UIMC1: variants seen among roughly 807,000 people sequenced by gnomAD.
UIMC1 encodes ubiquitin interaction motif containing 1.
In UIMC1, 42 loss-of-function variants were observed where a neutral mutation model predicts 84.9. The ratio of observed to expected loss-of-function variants is 0.49; its 90% CI spans 0.39 to 0.64. The LOEUF is 0.64. Ranked by LOEUF, UIMC1 falls within the 30% of genes least tolerant of loss-of-function variation. The probability of loss-of-function intolerance (pLI) is 0.00; values close to 1 mark genes in which losing one functional copy is unlikely to be tolerated. For missense variants in UIMC1, 825 were observed against 847.6 expected (o/e 0.97, Z 0.33); for synonymous variants, 281 against 293.0 (o/e 0.96, Z 0.42).
At chr5:176,934,692 T>C (rs1188519827) in intron 10 of UIMC1, among the ~76,000 whole-genome samples, 1 of 152,244 alleles carries the variant, frequency 6.6e-6, no homozygotes, top group Non-Finnish European at 1.5e-5. Flanking sequence ...GGTTTTCCTT[T>C]ACTTGTTCTG....
chr5:176,933,510 G>T (rs572787036), intron 10 of UIMC1, among the ~76,000 whole-genome samples: 12 of 151,082 alleles, frequency 7.9e-5, no homozygotes, highest in African/African-American at 2.4e-4. Context: ...ACATTACAAG[G>T]CTCATTGCTA....
At chr5:177,002,195 TGAG>T (rs1435852241) in intron 1 of UIMC1, 2 of 150,908 alleles carry the variant, frequency 1.3e-5, no homozygotes, top group East Asian at 2.0e-4. Flanking sequence ...CTCAGAAGGC[TGAG>T]GAGAAGGGAT....
At chr5:176,955,642 TAC>T (rs1766501317) in intron 8 of UIMC1, among the ~76,000 whole-genome samples, 1 of 152,206 alleles carries the variant, frequency 6.6e-6, no homozygotes, top group African/African-American at 2.4e-5. Context: ...GCTCTGAATG[TAC>T]AGTTAAGCAA....
chr5:176,943,177 TA>T, intron 10 of UIMC1, 157 bp downstream of exon 10: 2 of 875,966 alleles, frequency 2.3e-6, no homozygotes, highest in Non-Finnish European at 3.4e-6. Context: ...ATGATGAACA[TA>T]AAAGTACTAG....
intron 9 of UIMC1, among the ~76,000 whole-genome samples, chr5:176,946,546 GA>G (rs1428864729): frequency 6.6e-6 from 1 of 151,674 alleles, no homozygotes; most frequent in African/African-American, 2.4e-5. Flanking sequence ...GAAAACAAAA[GA>G]AAAATCACCA....
intron 1 of UIMC1, among the ~76,000 whole-genome samples, chr5:177,016,798 G>C (rs988670361): frequency 5.3e-4 from 80 of 152,254 alleles, no homozygotes; most frequent in African/African-American, 1.9e-3. Flanking sequence ...CGAGGCAGGT[G>C]AATCACCTGA....
At chr5:176,981,091 T>C (rs1212000266) in intron 2 of UIMC1, among the ~76,000 whole-genome samples, 2 of 152,016 alleles carry the variant, frequency 1.3e-5, no homozygotes, top group Non-Finnish European at 2.9e-5. Flanking sequence ...ATGAACTATG[T>C]AGATAAAAGT....
intron 1 of UIMC1, 89 bp from the exon 2 acceptor site, chr5:176,982,712 C>CT (rs1161436945): frequency 7.7e-6 from 11 of 1,426,690 alleles, no homozygotes; most frequent in African/African-American, 2.9e-5. Flanking sequence ...TCAACTTAGT[C>CT]TTTTTTTGAG....
At position 176,982,583 on chromosome 5, in the gene UIMC1, G is replaced by A. The variant is rs751505485; in HGVS notation, c.33C>T (p.Val11=). Residue 11 remains valine, a synonymous_variant, in exon 2 of 15, where the codon GTC becomes GTT. Coordinates refer to ENST00000511320, the MANE Select transcript of UIMC1 (RefSeq NM_001199298.2). The part of the protein sequence containing the change: MPRRKKKVKE[V]SESRNLEKKD... Reference sequence around the variant, plus strand: ...TCTTCTCCAGGTTCCGAGATTCGGAGACTTCTTTAACTTTTTTCTTTCTCC... The same window carrying A: ...TCTTCTCCAGGTTCCGAGATTCGGAAACTTCTTTAACTTTTTTCTTTCTCC... 1 of 1,614,038 alleles carries A rather than the reference G, an allele frequency of 6.2e-7. No homozygotes were observed. The highest frequency in any genetic ancestry group is 8.5e-7 in the Non-Finnish European group (1 of 1,180,008).
rs563285660 is a variant in UIMC1 at position 176,968,028 on chromosome 5, G to T, written c.1200+527C>A. Among the ~76,000 whole-genome samples, 7 of 152,026 alleles carry T rather than the reference G, an allele frequency of 4.6e-5. No individual in the cohort carries two copies. In the South Asian group the frequency reaches 1.2e-3, roughly 27 times the overall value. On this transcript the variant is annotated intron_variant, in intron 6 of 14. Coordinates refer to ENST00000511320, the MANE Select transcript of UIMC1 (RefSeq NM_001199298.2). Reference sequence around the variant, plus strand: ...AGGGAGAGGAACAAAACTTAACACAGAAGAGTCTTCATTTTGTTCAAAAAA... The same window carrying T: ...AGGGAGAGGAACAAAACTTAACACATAAGAGTCTTCATTTTGTTCAAAAAA...
At chr5:176,951,351 A>C in intron 9 of UIMC1, 123 bp downstream of exon 9, 1 of 611,600 alleles carries the variant, frequency 1.6e-6, no homozygotes, top group Non-Finnish European at 2.7e-6. Flanking sequence ...CCCTAACATA[A>C]GGGCCCCCAA....
intron 10 of UIMC1, among the ~76,000 whole-genome samples, chr5:176,943,045 G>C (rs537304880): frequency 1.3e-3 from 190 of 151,874 alleles, no homozygotes; most frequent in African/African-American, 4.4e-3. Flanking sequence ...ATGGGTGACA[G>C]AGACTCTGGC....
At position 176,982,306 on chromosome 5, in the gene UIMC1, G is replaced by A. The variant is rs140984050; in HGVS notation, c.147+163C>T. Among the ~76,000 whole-genome samples, 390 of 152,304 alleles carry A rather than the reference G, an allele frequency of 2.6e-3. 3 individuals are homozygous for A. Among genetic ancestry groups the A allele is most frequent in the Non-Finnish European group, 4.2e-3 (289 of 68,028 alleles). On this transcript the variant is annotated intron_variant, in intron 2 of 14. Coordinates refer to ENST00000511320, the MANE Select transcript of UIMC1 (RefSeq NM_001199298.2). ...CCAAGCAACAGGATTACTACCTTAAGTAATTCTTCATTCCATTTACAAATT... is the reference window on the plus strand; with the variant it reads ...CCAAGCAACAGGATTACTACCTTAAATAATTCTTCATTCCATTTACAAATT...
At position 176,982,481 on chromosome 5, in the gene UIMC1, A is replaced by G. The variant is rs1561878074; in HGVS notation, c.135T>C (p.Asp45=). The change falls in exon 2 of 15, where the codon GAT becomes GAC. Residue 45 remains aspartate (D), a synonymous_variant. Transcript: ENST00000511320. ...RLEDAFIVIS[D]SDGEEPKEEN... is the part of the protein sequence containing the mutation. ...CTACTTCACTAACCTCTCCATCACT[A>G]TCGGATATCACAATGAATGCATCCT... The G allele has an allele frequency of 3.1e-6, 5 of 1,613,712 alleles. No individual in the cohort carries two copies. The South Asian group carries it at 3.3e-5, about 11-fold the overall frequency.
chr5:177,021,273 C>G (rs1217468782), intron 1 of UIMC1, among the ~76,000 whole-genome samples: 1 of 151,994 alleles, frequency 6.6e-6, no homozygotes, highest in African/African-American at 2.4e-5. Context: ...CAAAACTCTG[C>G]CTCAAAAACA....
chr5:177,016,747 G>A (rs1006069585), intron 1 of UIMC1, among the ~76,000 whole-genome samples: 3 of 151,346 alleles, frequency 2.0e-5, no homozygotes, highest in African/African-American at 7.3e-5. Context: ...AGTAGGCCGG[G>A]CGCGGCGGCT....
chr5:176,945,176 C>A (rs965655624), intron 9 of UIMC1, among the ~76,000 whole-genome samples: 2 of 152,206 alleles, frequency 1.3e-5, no homozygotes, highest in Non-Finnish European at 2.9e-5. Flanking sequence ...TCTATTTATT[C>A]TTCTTCTCTA....
intron 1 of UIMC1, among the ~76,000 whole-genome samples, chr5:176,998,557 C>T (rs1454348626): frequency 2.7e-5 from 4 of 150,036 alleles, no homozygotes; most frequent in Admixed American, 2.7e-4. Context: ...CACCTAAGGT[C>T]AGGAGTTCGA....
intron 10 of UIMC1, among the ~76,000 whole-genome samples, chr5:176,918,700 C>G (rs957769972): frequency 6.6e-6 from 1 of 152,200 alleles, no homozygotes; most frequent in Non-Finnish European, 1.5e-5. Context: ...CCTATACTAT[C>G]ATCTTTTCAC....
Sources: gnomAD v4.1 joint callset for allele counts (sites outside exome capture counted in the v4.1 genomes callset) on GRCh38, gnomAD v4.1.1 for gene constraint, MANE v1.5 for transcripts, NCBI Gene and HGNC (gene_info 2026-07-23, HGNC 2026-07-21) for gene names.